Variants in KCNMA1 observed in about 807,000 individuals in gnomAD.
KCNMA1 encodes Calcium-activated potassium channel subunit alpha-1.
In KCNMA1, 29 loss-of-function variants were observed where a neutral mutation model predicts 140.0. The ratio of observed to expected loss-of-function variants is 0.21; its 90% CI spans 0.15 to 0.28. The LOEUF (loss-of-function observed/expected upper bound fraction) is 0.28, where lower values mean the gene tolerates loss of function less well. KCNMA1 is among the 10% of genes least tolerant of loss of function. The probability of loss-of-function intolerance (pLI) is 1.00; values close to 1 mark genes in which losing one functional copy is unlikely to be tolerated. For synonymous variants in KCNMA1, 612 were observed against 611.9 expected, an observed-to-expected ratio of 1.00 and a Z score of 0.00; for missense variants, 880 against 1,602.2, an observed-to-expected ratio of 0.55 and a Z score of 7.70.
At chr10:77,298,112 T>A (rs1324476850) in intron 2 of KCNMA1, among the ~76,000 whole-genome samples, 1 of 152,150 alleles carries the variant, frequency 6.6e-6, no homozygotes, top group African/African-American at 2.4e-5. Context: ...AATGGAACAA[T>A]AATTGAACCT....
intron 14 of KCNMA1, chr10:77,063,889 GC>G: frequency 1.0e-6 from 1 of 985,432 alleles, no homozygotes; most frequent in Non-Finnish European, 1.2e-6. Context: ...TCAGACTGAT[GC>G]TTGGCCAGAG....
At chr10:77,220,546 G>T (rs1004700824) in intron 3 of KCNMA1, among the ~76,000 whole-genome samples, 1 of 152,200 alleles carries the variant, frequency 6.6e-6, no homozygotes, top group Non-Finnish European at 1.5e-5. Flanking sequence ...GCAGATAAGT[G>T]ATAAGAAGAA....
At chr10:77,519,972 G>C (rs1357967381) in intron 1 of KCNMA1, among the ~76,000 whole-genome samples, 1 of 151,000 alleles carries the variant, frequency 6.6e-6, no homozygotes, top group Non-Finnish European at 1.5e-5. Flanking sequence ...GGGGTATGCA[G>C]TGTGAGGGTG....
At chr10:77,549,914 C>G (rs2062357567) in intron 1 of KCNMA1, among the ~76,000 whole-genome samples, 1 of 152,166 alleles carries the variant, frequency 6.6e-6, no homozygotes, top group Non-Finnish European at 1.5e-5. Context: ...TACTTTTTGC[C>G]CTCTCAGAGC....
intron 14 of KCNMA1, among the ~76,000 whole-genome samples, chr10:77,060,535 G>C (rs549097527): frequency 8.5e-5 from 13 of 152,276 alleles, no homozygotes; most frequent in African/African-American, 3.1e-4. Context: ...TTTGTCCCAG[G>C]ATTGATCACA....
chr10:77,095,741 C>T (rs2096915637), intron 9 of KCNMA1, among the ~76,000 whole-genome samples: 1 of 152,174 alleles, frequency 6.6e-6, no homozygotes, highest in Non-Finnish European at 1.5e-5. Flanking sequence ...AATCCTTCTA[C>T]TCTCTTCTCA....
At chr10:77,129,817 T>G (rs1476695703) in intron 5 of KCNMA1, among the ~76,000 whole-genome samples, 1 of 152,088 alleles carries the variant, frequency 6.6e-6, no homozygotes, top group Non-Finnish European at 1.5e-5. Context: ...CACAATGATA[T>G]TCTAATAAAT....
chr10:77,413,844 T>C (rs554768306), intron 1 of KCNMA1, among the ~76,000 whole-genome samples: 19 of 152,298 alleles, frequency 1.2e-4, no homozygotes, highest in Non-Finnish European at 2.4e-4. Context: ...GGACACACTG[T>C]CCACAGATTC....
chr10:77,600,398 A>G (rs1293622564), intron 1 of KCNMA1, among the ~76,000 whole-genome samples: 1 of 152,174 alleles, frequency 6.6e-6, no homozygotes, highest in Non-Finnish European at 1.5e-5. Flanking sequence ...ACACCTCGTC[A>G]CTTAGTCCTC....
chr10:77,097,365 C>T (rs931650883), intron 9 of KCNMA1, among the ~76,000 whole-genome samples: 15 of 152,152 alleles, frequency 9.9e-5, no homozygotes, highest in Non-Finnish European at 1.9e-4. Flanking sequence ...AGCCTAACTC[C>T]AGGCTGTGCT....
intron 25 of KCNMA1, chr10:76,902,675 A>C (rs2152212206): frequency 6.6e-6 from 1 of 152,312 alleles, no homozygotes; most frequent in African/African-American, 2.4e-5. Context: ...CCTGGTTATG[A>C]GTACAGATTT....
At chr10:77,195,319 T>A (rs898219968) in intron 3 of KCNMA1, among the ~76,000 whole-genome samples, 2 of 152,152 alleles carry the variant, frequency 1.3e-5, no homozygotes, top group African/African-American at 4.8e-5. Context: ...ATGGGTCTGC[T>A]GAGTACAAGG....
chr10:77,110,765 G>A (rs1454312164), intron 7 of KCNMA1, among the ~76,000 whole-genome samples: 1 of 152,186 alleles, frequency 6.6e-6, no homozygotes, highest in African/African-American at 2.4e-5. Flanking sequence ...GCCTGGATCT[G>A]CCTCTCCCAC....
At chr10:77,481,062 G>A (rs1289540433) in intron 1 of KCNMA1, among the ~76,000 whole-genome samples, 1 of 150,844 alleles carries the variant, frequency 6.6e-6, no homozygotes, top group African/African-American at 2.4e-5. Context: ...AGGTTCCAGT[G>A]AGCTGAGATC....
chr10:77,291,625 G>A (rs999690182), intron 2 of KCNMA1, among the ~76,000 whole-genome samples: 12 of 152,144 alleles, frequency 7.9e-5, no homozygotes, highest in East Asian at 3.9e-4. Flanking sequence ...GTCGCCTTCC[G>A]TGGAGAATAA....
At chr10:77,027,227 C>T (rs973082525) in intron 16 of KCNMA1, among the ~76,000 whole-genome samples, 7 of 152,230 alleles carry the variant, frequency 4.6e-5, no homozygotes, top group Non-Finnish European at 8.8e-5. Context: ...AGACCCAGTC[C>T]CTCATCAGTC....
chr10:77,545,303 T>C (rs1388390446), intron 1 of KCNMA1, among the ~76,000 whole-genome samples: 1 of 152,218 alleles, frequency 6.6e-6, no homozygotes, highest in Non-Finnish European at 1.5e-5. Flanking sequence ...ATCTTCCTAA[T>C]TAAATTTTTT....
chr10:77,545,639 C>A (rs1191906846), intron 1 of KCNMA1, among the ~76,000 whole-genome samples: 5 of 152,334 alleles, frequency 3.3e-5, no homozygotes, highest in Non-Finnish European at 7.4e-5. Context: ...GGAACATATT[C>A]TCCCAGGACT....
chr10:76,997,661 T>G (rs1403092736), intron 19 of KCNMA1, among the ~76,000 whole-genome samples: 1 of 152,222 alleles, frequency 6.6e-6, no homozygotes, highest in Non-Finnish European at 1.5e-5. Context: ...TTTTACAAAA[T>G]TATAGTGGGA....
Sources: gnomAD v4.1 joint callset for allele counts (sites outside exome capture counted in the v4.1 genomes callset) on GRCh38, gnomAD v4.1.1 for gene constraint, MANE v1.5 for transcripts, NCBI Gene and HGNC (gene_info 2026-07-23, HGNC 2026-07-21) for gene names.